SGCZ: variants seen among roughly 807,000 people sequenced by gnomAD.
The protein encoded by SGCZ is sarcoglycan zeta.
Under a neutral mutation model 41.3 loss-of-function variants are expected in SGCZ, and 40 were observed. The observed-to-expected ratio is 0.97, with a 90% confidence interval of 0.75 to 1.26. The LOEUF is 1.26. Ranked by LOEUF, SGCZ falls within the 50% of genes most tolerant of loss-of-function variation. The pLI is 0.00. For missense variants in SGCZ, 552 were observed against 369.8 expected, an observed-to-expected ratio of 1.49 and a Z score of -4.04; for synonymous variants, 206 against 137.5, an observed-to-expected ratio of 1.50 and a Z score of -3.49.
intron 1 of SGCZ, among the ~76,000 whole-genome samples, chr8:14,873,493 A>G (rs918471982): frequency 6.6e-6 from 1 of 152,154 alleles, no homozygotes; most frequent in African/African-American, 2.4e-5. Context: ...GTTGATGGAA[A>G]CTTGAAAGTG....
At chr8:14,591,143 T>A (rs569415043) in intron 1 of SGCZ, among the ~76,000 whole-genome samples, 2 of 151,746 alleles carry the variant, frequency 1.3e-5, no homozygotes, top group African/African-American at 2.4e-5. Flanking sequence ...TTTTATTTTC[T>A]CTCTTCATAA....
intron 1 of SGCZ, among the ~76,000 whole-genome samples, chr8:14,802,606 G>C (rs1053521654): frequency 6.6e-6 from 1 of 152,094 alleles, no homozygotes; most frequent in Admixed American, 6.6e-5. Context: ...CAAACACAGA[G>C]AGAGAGAGAC....
chr8:14,894,864 C>G (rs73666921), intron 1 of SGCZ, among the ~76,000 whole-genome samples: 7,411 of 152,130 alleles, frequency 0.049, 519 homozygotes, highest in African/African-American at 0.16. Context: ...AGAGTTTCTG[C>G]AGGAGACACA....
intron 5 of SGCZ, among the ~76,000 whole-genome samples, chr8:14,155,640 T>G (rs1487881301): frequency 6.6e-6 from 1 of 151,612 alleles, no homozygotes; most frequent in Non-Finnish European, 1.5e-5. Flanking sequence ...TTTATTCATT[T>G]ATAATATGGA....
intron 1 of SGCZ, among the ~76,000 whole-genome samples, chr8:14,634,650 T>A (rs1806769527): frequency 6.6e-6 from 1 of 151,840 alleles, no homozygotes; most frequent in Non-Finnish European, 1.5e-5. Context: ...GGTCTCCAAT[T>A]TCACTGGAAT....
chr8:15,022,691 G>T (rs1317384918), intron 1 of SGCZ, among the ~76,000 whole-genome samples: 2 of 152,040 alleles, frequency 1.3e-5, no homozygotes, highest in East Asian at 1.9e-4. Flanking sequence ...GATGATACAG[G>T]ATCAGTATGC....
chr8:14,860,198 CT>C (rs373708249), intron 1 of SGCZ, among the ~76,000 whole-genome samples: 108 of 148,012 alleles, frequency 7.3e-4, no homozygotes, highest in African/African-American at 2.3e-3. Flanking sequence ...TTTTTTTTGT[CT>C]TTTTTTTTTC....
chr8:14,166,889 C>T (rs76619781), intron 4 of SGCZ, among the ~76,000 whole-genome samples: 2,096 of 152,074 alleles, frequency 0.014, 48 homozygotes, highest in African/African-American at 0.047. Context: ...AAAATATTTA[C>T]GCACATAGAT....
At chr8:14,172,882 G>A (rs987311506) in intron 4 of SGCZ, among the ~76,000 whole-genome samples, 1 of 152,050 alleles carries the variant, frequency 6.6e-6, no homozygotes, top group Admixed American at 6.6e-5. Context: ...ATTGTACATG[G>A]ACAGGATGAT....
chr8:15,203,014 G>A lies in SGCZ; in HGVS notation c.39+34571C>T, dbSNP rs1428214089. On this transcript the variant is annotated intron_variant, in intron 1 of 7. Coordinates refer to ENST00000382080, the MANE Select transcript of SGCZ (RefSeq NM_139167.4). ...AATTCCAGCTACTTGGGAGGCTGTG[G>A]TGGGAGAATCACTAGAACCTGGGAG... 2.6e-5 allele frequency among the ~76,000 whole-genome samples: 4 copies of A among 152,056 alleles called. No homozygotes were observed. The East Asian group carries it at 7.8e-4, about 30-fold the overall frequency.
intron 2 of SGCZ, among the ~76,000 whole-genome samples, chr8:14,409,708 A>G (rs928643916): frequency 1.3e-5 from 2 of 152,192 alleles, no homozygotes; most frequent in African/African-American, 4.8e-5. Flanking sequence ...TTACTTGTTG[A>G]GAACATTCAT....
At chr8:14,512,346 A>G in intron 2 of SGCZ, among the ~76,000 whole-genome samples, 1 of 152,194 alleles carries the variant, frequency 6.6e-6, no homozygotes, top group Non-Finnish European at 1.5e-5. Flanking sequence ...CCAGCTTATC[A>G]TAAATTCTTC....
At chr8:14,748,859 G>A (rs1421489641) in intron 1 of SGCZ, among the ~76,000 whole-genome samples, 4 of 152,088 alleles carry the variant, frequency 2.6e-5, no homozygotes, top group African/African-American at 9.7e-5. Flanking sequence ...CCTTGTAACA[G>A]CTTATGTGGT....
intron 2 of SGCZ, among the ~76,000 whole-genome samples, chr8:14,442,420 T>A (rs1800298523): frequency 6.6e-6 from 1 of 152,214 alleles, no homozygotes; most frequent in African/African-American, 2.4e-5. Context: ...TGTGGAACTG[T>A]GAGTCCATTA....
intron 7 of SGCZ, among the ~76,000 whole-genome samples, chr8:14,099,712 C>A (rs1286455310): frequency 1.3e-5 from 2 of 151,818 alleles, no homozygotes; most frequent in African/African-American, 4.8e-5. Context: ...GCGACAAGAG[C>A]GAGACTCTGT....
chr8:14,836,131 C>G (rs955131387), intron 1 of SGCZ, among the ~76,000 whole-genome samples: 1 of 152,036 alleles, frequency 6.6e-6, no homozygotes, highest in African/African-American at 2.4e-5. Flanking sequence ...CCCCACACCT[C>G]CCCTCCCACC....
At chr8:14,406,941 C>G (rs771963356) in intron 2 of SGCZ, among the ~76,000 whole-genome samples, 2 of 152,040 alleles carry the variant, frequency 1.3e-5, no homozygotes, top group Non-Finnish European at 2.9e-5. Context: ...ATCACTGGCT[C>G]GCTTTAGAAT....
chr8:14,169,214 T>C (rs62490851), intron 4 of SGCZ, among the ~76,000 whole-genome samples: 6 of 152,160 alleles, frequency 3.9e-5, no homozygotes, highest in Non-Finnish European at 4.4e-5. Context: ...TAATGATGTA[T>C]AACAAAATTA....
chr8:14,978,294 C>G (rs924129808), intron 1 of SGCZ, among the ~76,000 whole-genome samples: 3 of 151,404 alleles, frequency 2.0e-5, no homozygotes, highest in Admixed American at 6.6e-5. Flanking sequence ...ATGGTGAAAT[C>G]TCGCCTCTAA....
Sources: gnomAD v4.1 joint callset for allele counts (sites outside exome capture counted in the v4.1 genomes callset) on GRCh38, gnomAD v4.1.1 for gene constraint, MANE v1.5 for transcripts, NCBI Gene and HGNC (gene_info 2026-07-23, HGNC 2026-07-21) for gene names.